The following PAH variants were observed in gnomAD, a reference collection of about 807,000 sequenced individuals.
PAH encodes phenylalanine hydroxylase.
In PAH, 64 loss-of-function variants were observed where a neutral mutation model predicts 62.0. That is an observed-to-expected ratio of 1.03 (90% CI 0.84 to 1.27). The LOEUF is 1.27. Among genes scored for constraint, PAH ranks in the 50% most tolerant of loss-of-function variants. PAH has a pLI of 0.00. For missense variants in PAH, 579 were observed against 542.8 expected (o/e 1.07, Z -0.66); for synonymous variants, 195 against 196.2 (o/e 0.99, Z 0.05).
chr12:102,881,520 G>C lies in PAH; in HGVS notation c.353-3970C>G, dbSNP rs1422697436. Among the ~76,000 whole-genome samples, 3 of 152,214 alleles carry C rather than the reference G, an allele frequency of 2.0e-5. No homozygotes were observed. In the East Asian group the frequency reaches 5.8e-4, roughly 29 times the overall value. On this transcript the variant is annotated intron_variant, in intron 3 of 12. Coordinates refer to ENST00000553106, the MANE Select transcript of PAH (RefSeq NM_000277.3). The stretch of plus-strand genomic sequence containing the variant: ...GAGCAAATTTCAAGTACACAGTAAA[G>C]TGTGATTAACAATAGTCACCATGCA...
intron 5 of PAH, among the ~76,000 whole-genome samples, chr12:102,865,404 A>C (rs936594101): frequency 3.3e-5 from 5 of 152,230 alleles, no homozygotes; most frequent in Non-Finnish European, 5.9e-5. Flanking sequence ...CAACTTACTT[A>C]ACCTTTGTAA....
At chr12:102,839,556 A>G (rs893220188) in intron 12 of PAH, among the ~76,000 whole-genome samples, 2 of 152,238 alleles carry the variant, frequency 1.3e-5, no homozygotes, top group African/African-American at 4.8e-5. Context: ...ACCTAATAGT[A>G]TGGTTCACAC....
chr12:102,912,632 GACTTAACTAAGGTCAC>G (rs1878244887), intron 2 of PAH, among the ~76,000 whole-genome samples, 143 bp downstream of exon 2: 1 of 152,104 alleles, frequency 6.6e-6, no homozygotes, highest in Non-Finnish European at 1.5e-5. Context: ...GAGATTGAAT[GACTTAACTAAGGTCAC>G]ACAGTTGGTT....
chr12:102,854,842 C>G, intron 6 of PAH: 1 of 455,986 alleles, frequency 2.2e-6, no homozygotes, highest in South Asian at 2.1e-5. Flanking sequence ...AAAAAAACCT[C>G]AGTGAAGCAC....
chr12:102,942,012 A>G (rs1879309973), intron 1 of PAH, among the ~76,000 whole-genome samples: 1 of 152,136 alleles, frequency 6.6e-6, no homozygotes, highest in Admixed American at 6.5e-5. Flanking sequence ...GAACTGGAAC[A>G]AGACAAGGAT....
At chr12:102,894,672 T>C in intron 3 of PAH, 63 bp downstream of exon 3, 1 of 1,195,534 alleles carries the variant, frequency 8.4e-7, no homozygotes, top group East Asian at 2.3e-5. Context: ...AATATGTATA[T>C]TGCTGTTATT....
chr12:102,924,178 A>G (rs1397386337), intron 1 of PAH, among the ~76,000 whole-genome samples: 1 of 152,160 alleles, frequency 6.6e-6, no homozygotes, highest in Non-Finnish European at 1.5e-5. Flanking sequence ...CTTCCCAGCC[A>G]TTTGTTTTAG....
chr12:102,844,457 C>G lies in PAH; in HGVS notation c.970-26G>C, dbSNP rs548537896. ...CTGGAATGGAAAGTCAATCTGAGAG[C>G]ACACTCTATGATGGTTAATTTTATG... On this transcript the variant is annotated intron_variant, in intron 9 of 12. Coordinates refer to ENST00000553106, the MANE Select transcript of PAH (RefSeq NM_000277.3). 3.7e-5 allele frequency: 54 copies of G among 1,445,626 alleles called. 1 individual carries two copies. The South Asian group carries it at 5.7e-4, about 15-fold the overall frequency. 89.5% of individuals were successfully genotyped at this position (1,445,626 alleles called of 1,614,324 possible). A position where few individuals can be genotyped will look rare whatever the true frequency, so the allele number is the denominator to read the frequency against.
intron 3 of PAH, among the ~76,000 whole-genome samples, chr12:102,892,881 G>T (rs568305390): frequency 6.6e-6 from 1 of 152,092 alleles, no homozygotes; most frequent in South Asian, 2.1e-4. Flanking sequence ...ATGACATTAC[G>T]CATTTGTCAA....
At chr12:102,905,157 TA>T (rs1403586462) in intron 2 of PAH, among the ~76,000 whole-genome samples, 1 of 152,190 alleles carries the variant, frequency 6.6e-6, no homozygotes, top group Non-Finnish European at 1.5e-5. Context: ...CAATCACTGG[TA>T]GATCTGGGAT....
chr12:102,850,027 G>A (rs185188434), intron 8 of PAH, among the ~76,000 whole-genome samples: 57 of 152,340 alleles, frequency 3.7e-4, no homozygotes, highest in Non-Finnish European at 7.2e-4. Flanking sequence ...AAGGAGGACT[G>A]CCACTTAGCC....
At chr12:102,917,950 C>T (rs1347145500), upstream of PAH, among the ~76,000 whole-genome samples, 1 of 152,234 alleles carries the variant, frequency 6.6e-6, no homozygotes, top group African/African-American at 2.4e-5. Flanking sequence ...AGCAAATCCA[C>T]ATAAATTTGA....
At chr12:102,918,713 A>ATTC (rs1035313623), upstream of PAH, among the ~76,000 whole-genome samples, 33 of 152,254 alleles carry the variant, frequency 2.2e-4, no homozygotes, top group African/African-American at 7.9e-4. Flanking sequence ...TCCAAAAGGA[A>ATTC]CCTTTAGGGG....
intron 1 of PAH, among the ~76,000 whole-genome samples, chr12:102,946,322 G>A (rs138081428): frequency 4.6e-4 from 70 of 152,334 alleles, no homozygotes; most frequent in Middle Eastern, 3.4e-3. Context: ...CCAGCATAGC[G>A]TCAGGACTTG....
At chr12:102,935,138 C>A (rs1879053449) in intron 1 of PAH, among the ~76,000 whole-genome samples, 1 of 152,078 alleles carries the variant, frequency 6.6e-6, no homozygotes, top group Non-Finnish European at 1.5e-5. Context: ...GCTTTTTCAG[C>A]ATCAGTTGAA....
In PAH at chr12:102,851,713, C is replaced by T. The variant is rs765934604; in HGVS notation, c.886G>A (p.Asp296Asn). ...ELLGHVPLFSDRSFAQFSQEI... is the reference protein window; with the variant it reads ...ELLGHVPLFSNRSFAQFSQEI... ...TGGGAAAACTGGGCAAAGCTGCGAT[C>T]TGAAAACAAGGGCACATGTCCCAAC... Residue 296 changes from aspartate (D) to asparagine (N), a missense_variant, in exon 8 of 13, where the codon GAT (aspartate) becomes AAT (asparagine). Transcript: ENST00000553106. 17 of 1,613,926 alleles carry T rather than the reference C, an allele frequency of 1.1e-5. No individual in the cohort carries two copies. The highest frequency in any genetic ancestry group is 1.4e-5 in the Non-Finnish European group (16 of 1,179,972).
chr12:102,872,239 C>T (rs2136673016), intron 4 of PAH, among the ~76,000 whole-genome samples: 1 of 152,154 alleles, frequency 6.6e-6, no homozygotes, highest in Admixed American at 6.5e-5. Flanking sequence ...TCTTATGGAA[C>T]ATTAATCACT....
At chr12:102,855,101 T>C in intron 6 of PAH, 35 bp downstream of exon 6, 1 of 1,568,556 alleles carries the variant, frequency 6.4e-7, no homozygotes, top group Non-Finnish European at 8.8e-7. Flanking sequence ...CTCCCCCAAC[T>C]TTCTGCAGGG....
At position 102,912,477 on chromosome 12, in the gene PAH, CAT is replaced by C. The variant is rs1170473398; in HGVS notation, c.168+312_168+313del. On this transcript the variant is annotated intron_variant, in intron 2 of 12. Coordinates refer to ENST00000553106, the MANE Select transcript of PAH (RefSeq NM_000277.3). ...TTATGTGAAATGTAATCACGTGTCA[CAT>C]ATGACTTATAGTTAATCATGCCTAA... is the stretch of plus-strand genomic sequence containing the variant. Among the ~76,000 whole-genome samples, 4 of 152,050 alleles carry C rather than the reference CAT, an allele frequency of 2.6e-5. No homozygotes were observed. The East Asian group carries it at 7.7e-4, about 29-fold the overall frequency.
Sources: allele counts gnomAD v4.1 joint callset (sites outside exome capture counted in the v4.1 genomes callset), GRCh38; gene constraint gnomAD v4.1.1; transcripts MANE v1.5; gene names NCBI Gene and HGNC (gene_info 2026-07-23, HGNC 2026-07-21).